The following CNTNAP4 variants were observed in gnomAD, a reference collection of about 807,000 sequenced individuals.
CNTNAP4 encodes contactin associated protein family member 4.
In CNTNAP4, 98 loss-of-function variants were observed where a neutral mutation model predicts 148.4. The observed-to-expected ratio is 0.66, with a 90% CI of 0.56 to 0.78. The LOEUF (loss-of-function observed/expected upper bound fraction) is 0.78, where lower values mean the gene tolerates loss of function less well. CNTNAP4 is among the 30% of genes least tolerant of loss of function. The pLI is 0.00. For synonymous variants in CNTNAP4, 730 were observed against 565.1 expected, an observed-to-expected ratio of 1.29 and a Z score of -4.14; for missense variants, 1,935 against 1,565.6, an observed-to-expected ratio of 1.24 and a Z score of -3.98.
chr16:76,496,654 G>A (rs2082412033), intron 14 of CNTNAP4, among the ~76,000 whole-genome samples: 1 of 152,022 alleles, frequency 6.6e-6, no homozygotes, highest in Non-Finnish European at 1.5e-5. Flanking sequence ...CCAAACAATG[G>A]CAATTTATTG....
At position 76,350,119 on chromosome 16, in the gene CNTNAP4, C is replaced by T. The variant is rs74026724; in HGVS notation, c.197-5199C>T. Among the ~76,000 whole-genome samples, 576 of 152,006 alleles carry T rather than the reference C, an allele frequency of 3.8e-3. 4 individuals carry two copies. Among genetic ancestry groups the T allele is most frequent in the African/African-American group, 0.013 (545 of 41,466 alleles). ...CCAGCCAGGTAATTTATAATTAAATCACACAGAATAAATTATTTGAACATA... is the reference window on the plus strand; with the variant it reads ...CCAGCCAGGTAATTTATAATTAAATTACACAGAATAAATTATTTGAACATA... On this transcript the variant is annotated intron_variant, in intron 2 of 23. Transcript: ENST00000611870.
intron 3 of CNTNAP4, among the ~76,000 whole-genome samples, chr16:76,405,313 T>C (rs2078564182): frequency 6.6e-6 from 1 of 152,172 alleles, no homozygotes; most frequent in Non-Finnish European, 1.5e-5. Context: ...ATCACTATAA[T>C]TGCTAAGTAA....
intron 3 of CNTNAP4, among the ~76,000 whole-genome samples, chr16:76,359,761 T>C (rs1224364411): frequency 1.1e-4 from 16 of 152,210 alleles, no homozygotes; most frequent in Admixed American, 1.0e-3. Flanking sequence ...TCCTCTCAGA[T>C]TGAACACAAA....
At chr16:76,554,452 A>G (rs900620860) in intron 23 of CNTNAP4, among the ~76,000 whole-genome samples, 6 of 152,218 alleles carry the variant, frequency 3.9e-5, no homozygotes, top group Non-Finnish European at 7.3e-5. Context: ...TATTAGATTA[A>G]TGAACTAAAA....
rs58589609 is a variant in CNTNAP4 at position 76,364,233 on chromosome 16, C to CAAAAA, written c.390+8744_390+8748dup. Reference sequence around the variant, plus strand: ...TGGGCAACAGAGCGAGATTCCATCTCAAAAAAAAAAAAAAAAAAAAAAAAA... The same window carrying CAAAAA: ...TGGGCAACAGAGCGAGATTCCATCTCAAAAAAAAAAAAAAAAAAAAAAAAAAAAAA... On this transcript the variant is annotated intron_variant, in intron 3 of 23. Transcript: ENST00000611870. Among the ~76,000 whole-genome samples, 14 of 48,178 alleles carry CAAAAA rather than the reference C, an allele frequency of 2.9e-4. 1 individual carries two copies. Among genetic ancestry groups the CAAAAA allele is most frequent in the Admixed American group, 4.2e-4 (1 of 2,386 alleles). The allele number at this position is 48,178 out of a possible 152,430, so 31.6% of individuals were successfully genotyped here. A position where few individuals can be genotyped will look rare whatever the true frequency, so the allele number is the denominator to read the frequency against.
At chr16:76,420,343 A>G (rs1430168423) in intron 3 of CNTNAP4, among the ~76,000 whole-genome samples, 1 of 151,658 alleles carries the variant, frequency 6.6e-6, no homozygotes, top group East Asian at 1.9e-4. Context: ...TGTACGTAGG[A>G]CACTACATAA....
chr16:76,321,043 A>G (rs1962351711), intron 2 of CNTNAP4, among the ~76,000 whole-genome samples: 1 of 152,222 alleles, frequency 6.6e-6, no homozygotes, highest in Admixed American at 6.5e-5. Flanking sequence ...ATGTTAAAAA[A>G]TTGGATATTT....
intron 2 of CNTNAP4, among the ~76,000 whole-genome samples, chr16:76,340,907 C>T (rs1275381475): frequency 6.6e-6 from 1 of 152,242 alleles, no homozygotes; most frequent in African/African-American, 2.4e-5. Context: ...ATTTTCCCTT[C>T]TCCACTGTTT....
rs183393410 is a variant in CNTNAP4, at chr16:76,488,655, T to C, written c.1883-1031T>C. Among the ~76,000 whole-genome samples, 78 of 152,332 alleles carry C rather than the reference T, an allele frequency of 5.1e-4. 4 individuals carry two copies. Among genetic ancestry groups the C allele is most frequent in the African/African-American group, 1.8e-3 (76 of 41,574 alleles). ...CTGTATTACAGAAGAGTTATGTGAC[T>C]TAACAGCACATATGTAGTAGAGTTC... On this transcript the variant is annotated intron_variant, in intron 12 of 23. Coordinates refer to ENST00000611870, the MANE Select transcript of CNTNAP4 (RefSeq NM_033401.5).
intron 22 of CNTNAP4, 128 bp from the exon 23 acceptor site, chr16:76,553,708 T>C (rs2085068747): frequency 1.5e-6 from 1 of 670,962 alleles, no homozygotes; most frequent in Non-Finnish European, 2.6e-6. Flanking sequence ...ATTGCTTAAA[T>C]TGAAAATAAC....
intron 12 of CNTNAP4, among the ~76,000 whole-genome samples, chr16:76,485,650 G>C (rs1023268773): frequency 6.6e-6 from 1 of 152,122 alleles, no homozygotes; most frequent in Non-Finnish European, 1.5e-5. Flanking sequence ...AGAACACAAG[G>C]TCTGGGTCTC....
At chr16:76,451,469 A>C (rs1299485068) in intron 7 of CNTNAP4, among the ~76,000 whole-genome samples, 2 of 152,214 alleles carry the variant, frequency 1.3e-5, no homozygotes, top group African/African-American at 4.8e-5. Flanking sequence ...TTTATTGTTT[A>C]AACAGCATTT....
intron 17 of CNTNAP4, among the ~76,000 whole-genome samples, chr16:76,522,637 CTTT>C (rs1158207944): frequency 0.012 from 1,692 of 143,752 alleles, 162 homozygotes; most frequent in Middle Eastern, 0.039. Flanking sequence ...TTCCTTCCTT[CTTT>C]CTTTCTTTTC....
chr16:76,413,968 A>G (rs1052164490), intron 3 of CNTNAP4, among the ~76,000 whole-genome samples: 2 of 151,204 alleles, frequency 1.3e-5, no homozygotes, highest in African/African-American at 2.4e-5. Flanking sequence ...AGATTTTTCA[A>G]ATTTCCTACA....
intron 15 of CNTNAP4, among the ~76,000 whole-genome samples, chr16:76,504,087 T>C (rs929941633): frequency 6.6e-6 from 1 of 151,968 alleles, no homozygotes; most frequent in African/African-American, 2.4e-5. Context: ...GGAGTAGAAA[T>C]TGGAAAGCTT....
At chr16:76,527,416 T>C (rs1156810783) in intron 17 of CNTNAP4, among the ~76,000 whole-genome samples, 1 of 152,192 alleles carries the variant, frequency 6.6e-6, no homozygotes, top group Non-Finnish European at 1.5e-5. Flanking sequence ...GGTAATTTAA[T>C]TCCCCTTACT....
rs8053803 is a variant in CNTNAP4 at position 76,330,304 on chromosome 16, T to G, written c.196+13781T>G. On this transcript the variant is annotated intron_variant, in intron 2 of 23. Coordinates refer to ENST00000611870, the MANE Select transcript of CNTNAP4 (RefSeq NM_033401.5). ...TTCATGGCCTGTAATCTCTGTCTCTTAAACTCCTTTTATATTTCCATTGCT... is the reference window on the plus strand; with the variant it reads ...TTCATGGCCTGTAATCTCTGTCTCTGAAACTCCTTTTATATTTCCATTGCT... Among the ~76,000 whole-genome samples, 125 of 152,316 alleles carry G rather than the reference T, an allele frequency of 8.2e-4. 1 individual carries two copies. Among genetic ancestry groups the G allele is most frequent in the African/African-American group, 2.7e-3 (114 of 41,566 alleles).
chr16:76,529,745 C>T (rs539313662), intron 17 of CNTNAP4, among the ~76,000 whole-genome samples: 30 of 152,104 alleles, frequency 2.0e-4, no homozygotes, highest in African/African-American at 3.1e-4. Context: ...AAATATTTAT[C>T]GACTTTTTAG....
rs549205239 is a variant in CNTNAP4 at position 76,306,898 on chromosome 16, G to A, written c.86-9515G>A. Among the ~76,000 whole-genome samples, 11 of 152,250 alleles carry A rather than the reference G, an allele frequency of 7.2e-5. No homozygotes were observed. The East Asian group carries it at 1.3e-3, about 19-fold the overall frequency. On this transcript the variant is annotated intron_variant, in intron 1 of 23. Transcript: ENST00000611870. Reference sequence around the variant, plus strand: ...TTTTCATCTGCACTTTATAGGCAGAGGTACATCAAGTTGAAGCAGTATGTA... The same window carrying A: ...TTTTCATCTGCACTTTATAGGCAGAAGTACATCAAGTTGAAGCAGTATGTA...
Sources: allele counts gnomAD v4.1 joint callset (sites outside exome capture counted in the v4.1 genomes callset), GRCh38; gene constraint gnomAD v4.1.1; transcripts MANE v1.5; gene names NCBI Gene and HGNC (gene_info 2026-07-23, HGNC 2026-07-21).